The following CYP3A43 variants were observed in gnomAD, a reference collection of about 807,000 sequenced individuals.
CYP3A43 encodes the protein cytochrome P450 family 3 subfamily A member 43.
Under a neutral mutation model 58.0 loss-of-function variants are expected in CYP3A43, and 45 were observed. The ratio of observed to expected loss-of-function variants is 0.78; its 90% CI spans 0.61 to 0.99. The LOEUF (loss-of-function observed/expected upper bound fraction) is 0.99, where lower values mean the gene tolerates loss of function less well. Ranked by LOEUF, CYP3A43 falls within the 50% of genes least tolerant of loss-of-function variation. The pLI is 0.00. For synonymous variants in CYP3A43, 191 were observed against 201.4 expected, an observed-to-expected ratio of 0.95 and a Z score of 0.44; for missense variants, 593 against 591.9, an observed-to-expected ratio of 1.00 and a Z score of -0.02.
intron 9 of CYP3A43, among the ~76,000 whole-genome samples, chr7:99,859,385 G>A (rs980228550): frequency 2.0e-5 from 3 of 152,154 alleles, no homozygotes; most frequent in Non-Finnish European, 4.4e-5. Flanking sequence ...TCAAGCCTTA[G>A]TATTGCAAAC....
At chr7:99,844,072 A>G (rs1000369004) in intron 3 of CYP3A43, 71 bp from the exon 4 acceptor site, 58 of 1,230,938 alleles carry the variant, frequency 4.7e-5, no homozygotes, top group East Asian at 4.5e-4. Flanking sequence ...CAAAATCTGG[A>G]TTCTTTGGTG....
chr7:99,841,330 C>A (rs929143410), intron 3 of CYP3A43, among the ~76,000 whole-genome samples: 2 of 152,180 alleles, frequency 1.3e-5, no homozygotes, highest in East Asian at 3.9e-4. Context: ...TACAAAATGT[C>A]AATTTTCCCC....
chr7:99,829,807 A>G (rs1816771304), intron 1 of CYP3A43, among the ~76,000 whole-genome samples: 1 of 152,200 alleles, frequency 6.6e-6, no homozygotes, highest in South Asian at 2.1e-4. Context: ...ACCTCCTGAA[A>G]TGAGGCACAG....
intron 1 of CYP3A43, among the ~76,000 whole-genome samples, chr7:99,832,231 T>C (rs975877483): frequency 6.6e-6 from 1 of 151,084 alleles, no homozygotes; most frequent in East Asian, 1.9e-4. Context: ...CACAAACTCA[T>C]TATTAGTTCA....
At chr7:99,834,277 A>T (rs1439538408) in intron 1 of CYP3A43, among the ~76,000 whole-genome samples, 1 of 152,032 alleles carries the variant, frequency 6.6e-6, no homozygotes, top group African/African-American at 2.4e-5. Flanking sequence ...TACCCCCATG[A>T]CCTTTCTTGC....
chr7:99,828,314 C>T (rs184339729), intron 1 of CYP3A43, 128 bp downstream of exon 1: 2 of 600,248 alleles, frequency 3.3e-6, no homozygotes, highest in African/African-American at 3.7e-5. Flanking sequence ...GTGCCAAATA[C>T]TGTGAACACA....
intron 3 of CYP3A43, among the ~76,000 whole-genome samples, chr7:99,841,632 G>A (rs557812721): frequency 2.6e-4 from 40 of 152,100 alleles, no homozygotes; most frequent in Non-Finnish European, 4.7e-4. Context: ...CCTGACCTCA[G>A]GTGATCTGCC....
At chr7:99,847,453 T>A in intron 4 of CYP3A43, 35 bp from the exon 5 acceptor site, 1 of 1,600,274 alleles carries the variant, frequency 6.2e-7, no homozygotes, top group South Asian at 1.1e-5. Flanking sequence ...CTCTAAAACT[T>A]ACGTAGGACA....
intron 12 of CYP3A43, 49 bp downstream of exon 12, chr7:99,863,748 G>A (rs1180413226): frequency 7.1e-7 from 1 of 1,399,730 alleles, no homozygotes; most frequent in East Asian, 2.4e-5. Context: ...TTTTTAAACT[G>A]AGAAGTCTAC....
intron 7 of CYP3A43, chr7:99,849,929 A>T: frequency 1.8e-6 from 1 of 563,762 alleles, no homozygotes; most frequent in Non-Finnish European, 3.2e-6. Flanking sequence ...CCATTTAACC[A>T]TCATCCCCTT....
intron 5 of CYP3A43, 21 bp from the exon 6 acceptor site, chr7:99,848,145 A>G (rs1195604589): frequency 1.4e-5 from 22 of 1,612,772 alleles, no homozygotes; most frequent in Admixed American, 6.7e-5. Flanking sequence ...GTAGTTAACT[A>G]TGGGTGGTGT....
intron 11 of CYP3A43, among the ~76,000 whole-genome samples, chr7:99,863,062 C>T (rs984183790): frequency 6.6e-5 from 10 of 152,160 alleles, no homozygotes; most frequent in African/African-American, 2.4e-4. Context: ...TTGACATACA[C>T]ATAACTATAT....
At chr7:99,847,177 T>A (rs1278877270) in intron 4 of CYP3A43, among the ~76,000 whole-genome samples, 1 of 152,098 alleles carries the variant, frequency 6.6e-6, no homozygotes, top group African/African-American at 2.4e-5. Context: ...AGTTGCTAGG[T>A]CTTGTTCCCA....
intron 4 of CYP3A43, among the ~76,000 whole-genome samples, chr7:99,844,843 G>A (rs190024129): frequency 6.6e-6 from 1 of 152,152 alleles, no homozygotes; most frequent in Admixed American, 6.5e-5. Flanking sequence ...GGCCGAGGTG[G>A]GTGGATCACG....
intron 1 of CYP3A43, among the ~76,000 whole-genome samples, chr7:99,832,989 T>C (rs1445734162): frequency 6.6e-6 from 1 of 152,146 alleles, no homozygotes; most frequent in Non-Finnish European, 1.5e-5. Flanking sequence ...ATTAACTAAA[T>C]AGACATACGT....
chr7:99,857,562 G>A (rs1303145304), intron 9 of CYP3A43, among the ~76,000 whole-genome samples: 4 of 152,158 alleles, frequency 2.6e-5, no homozygotes, highest in Admixed American at 6.5e-5. Flanking sequence ...GGAAGTGGAG[G>A]CTGGGCATGG....
intron 7 of CYP3A43, among the ~76,000 whole-genome samples, chr7:99,853,622 T>A (rs1188669641): frequency 6.6e-6 from 1 of 152,208 alleles, no homozygotes; most frequent in African/African-American, 2.4e-5. Context: ...AATGGCACGA[T>A]GTTGGCTCAC....
In CYP3A43 at chr7:99,859,902, C is replaced by T; in HGVS notation, c.938C>T (p.Thr313Ile). Residue 313 changes from threonine to isoleucine, a missense_variant, in exon 10 of 13, where the codon ACT (threonine) becomes ATT (isoleucine). By Grantham distance (89) the Thr-to-Ile change is moderately conservative (BLOSUM62 -1). Transcript: ENST00000354829. ...IFAAYDTTST[T>I]LPFIMYELAT... Reference sequence around the variant, plus strand: ...GCTGCCTATGACACAACTAGCACCACTCTCCCCTTCATTATGTATGAACTG... The same window carrying T: ...GCTGCCTATGACACAACTAGCACCATTCTCCCCTTCATTATGTATGAACTG... 6.2e-7 allele frequency: 1 copy of T among 1,614,136 alleles called. No individual in the cohort carries two copies. Among genetic ancestry groups the T allele is most frequent in the Non-Finnish European group, 8.5e-7 (1 of 1,180,004 alleles).
At chr7:99,865,477 A>T (rs1448670910) in intron 12 of CYP3A43, among the ~76,000 whole-genome samples, 1 of 148,926 alleles carries the variant, frequency 6.7e-6, no homozygotes, top group Non-Finnish European at 1.5e-5. Flanking sequence ...AAGACTGTCC[A>T]TATAATTGAA....
Sources: allele counts gnomAD v4.1 joint callset (sites outside exome capture counted in the v4.1 genomes callset), GRCh38; gene constraint gnomAD v4.1.1; transcripts MANE v1.5; gene names NCBI Gene and HGNC (gene_info 2026-07-23, HGNC 2026-07-21).